PDGFRL: variants seen among roughly 807,000 people sequenced by gnomAD.
PDGFRL encodes the protein platelet-derived growth factor receptor-like protein.
PDGFRL carries 46 observed loss-of-function variants against 37.2 expected under a neutral mutation model. The observed-to-expected ratio is 1.24, with a 90% confidence interval of 0.98 to 1.58. The LOEUF (loss-of-function observed/expected upper bound fraction) is 1.58. PDGFRL is among the 40% of genes most tolerant of loss of function. The pLI, the probability that PDGFRL is intolerant of heterozygous loss-of-function variation, is 0.00. For synonymous variants in PDGFRL, 251 were observed against 184.3 expected, an observed-to-expected ratio of 1.36 and a Z score of -2.93; for missense variants, 692 against 467.6, an observed-to-expected ratio of 1.48 and a Z score of -4.43.
intron 3 of PDGFRL, among the ~76,000 whole-genome samples, chr8:17,625,446 G>C (rs1281830378): frequency 1.3e-5 from 1 of 76,834 alleles, no homozygotes; most frequent in Non-Finnish European, 2.9e-5. Context: ...CACTGCACCT[G>C]GTCGAGTTTT....
intron 5 of PDGFRL, among the ~76,000 whole-genome samples, chr8:17,641,876 T>C (rs1563534413): frequency 1.6e-5 from 2 of 122,914 alleles, no homozygotes; most frequent in African/African-American, 3.4e-5. Flanking sequence ...TTACAGGACA[T>C]TGATGATTTT....
At chr8:17,579,981 C>T (rs561805057) in intron 1 of PDGFRL, among the ~76,000 whole-genome samples, 1 of 152,240 alleles carries the variant, frequency 6.6e-6, no homozygotes, top group East Asian at 1.9e-4. Flanking sequence ...TAGGGTGCTT[C>T]TATTTTCACA....
intron 2 of PDGFRL, among the ~76,000 whole-genome samples, chr8:17,593,652 T>TG (rs1803990195): frequency 6.6e-6 from 1 of 151,400 alleles, no homozygotes. Flanking sequence ...CCCAGCACTT[T>TG]GGGAGGCTGA....
intron 1 of PDGFRL, among the ~76,000 whole-genome samples, chr8:17,577,609 C>G (rs996129329): frequency 6.6e-6 from 1 of 151,666 alleles, no homozygotes; most frequent in Non-Finnish European, 1.5e-5. Context: ...AGCGCCTGGT[C>G]CAGCCCCCAG....
At position 17,602,105 on chromosome 8, in the gene PDGFRL, C is replaced by G. The variant is rs188158360; in HGVS notation, c.353+12340C>G. ...GCAGTATGTAAACTTCCCCTTTCCT[C>G]CATGACCTTGACGGCATCTGTTATT... On this transcript the variant is annotated intron_variant, in intron 2 of 5. Transcript: ENST00000251630. 2.0e-3 allele frequency among the ~76,000 whole-genome samples: 302 copies of G among 152,318 alleles called. 1 individual carries two copies. Among genetic ancestry groups the G allele is most frequent in the African/African-American group, 6.9e-3 (287 of 41,560 alleles).
intron 2 of PDGFRL, among the ~76,000 whole-genome samples, chr8:17,595,678 C>T (rs542420493): frequency 6.6e-6 from 1 of 152,302 alleles, no homozygotes; most frequent in East Asian, 1.9e-4. Context: ...TACTACCCGC[C>T]CCTTTTTCAG....
At chr8:17,605,239 A>C (rs556857317) in intron 2 of PDGFRL, among the ~76,000 whole-genome samples, 3 of 152,208 alleles carry the variant, frequency 2.0e-5, no homozygotes, top group African/African-American at 7.2e-5. Flanking sequence ...CATTGCCTTC[A>C]GAAGAAAGAC....
At chr8:17,595,613 G>C (rs1487820932) in intron 2 of PDGFRL, among the ~76,000 whole-genome samples, 1 of 152,172 alleles carries the variant, frequency 6.6e-6, no homozygotes, top group East Asian at 1.9e-4. Flanking sequence ...TGAGCCCAGG[G>C]CTTGACCTCA....
At chr8:17,586,964 G>A (rs144284844) in intron 1 of PDGFRL, among the ~76,000 whole-genome samples, 57 of 152,272 alleles carry the variant, frequency 3.7e-4, no homozygotes, top group Non-Finnish European at 7.5e-4. Flanking sequence ...GGTAATGGAC[G>A]TTCACTTATA....
Position 17,628,665 on chromosome 8 carries a change from G to A in PDGFRL, c.684G>A (p.Lys228=). Residue 228 remains lysine, a synonymous_variant, in exon 4 of 6, where the codon AAG becomes AAA. Transcript: ENST00000251630. The part of the protein sequence containing the change: ...ANGTDIVYDM[K]RGFVYLQPHS... ...GAACGGACATTGTTTATGACATGAA[G>A]CGGGGCTTTGTGTATCTGCAACCTC... 6.2e-7 allele frequency: 1 copy of A among 1,614,192 alleles called. No homozygotes were observed. The highest frequency in any genetic ancestry group is 8.5e-7 in the Non-Finnish European group (1 of 1,180,002).
chr8:17,594,429 CAG>C (rs1804008509), intron 2 of PDGFRL, among the ~76,000 whole-genome samples: 1 of 151,900 alleles, frequency 6.6e-6, no homozygotes. Flanking sequence ...TCTATAGAGA[CAG>C]GGTTTCACTA....
At chr8:17,640,648 T>C (rs1328502079) in intron 5 of PDGFRL, among the ~76,000 whole-genome samples, 3 of 152,194 alleles carry the variant, frequency 2.0e-5, no homozygotes, top group African/African-American at 7.2e-5. Context: ...CAGCCATGGA[T>C]GCCAGCAGCT....
chr8:17,590,850 T>A (rs1320680054), intron 2 of PDGFRL, among the ~76,000 whole-genome samples: 5 of 152,016 alleles, frequency 3.3e-5, no homozygotes, highest in Non-Finnish European at 5.9e-5. Flanking sequence ...CAACTTCAAC[T>A]ACTTTTCAAC....
chr8:17,596,322 G>T, intron 2 of PDGFRL: 1 of 1,231,776 alleles, frequency 8.1e-7, no homozygotes, highest in Non-Finnish European at 1.0e-6. Flanking sequence ...CAGGCACATG[G>T]GCTGCACGTA....
chr8:17,633,936 C>T (rs1457713219), intron 4 of PDGFRL, 138 bp from the exon 5 acceptor site: 2 of 871,036 alleles, frequency 2.3e-6, no homozygotes, highest in East Asian at 4.8e-5. Context: ...TGTGGGCTCA[C>T]ACTGTCCTCG....
intron 2 of PDGFRL, among the ~76,000 whole-genome samples, chr8:17,612,367 C>T (rs1220108989): frequency 6.6e-6 from 1 of 151,740 alleles, no homozygotes; most frequent in Non-Finnish European, 1.5e-5. Flanking sequence ...CTTCTCCTCT[C>T]TTCTCCTCTC....
chr8:17,589,194 G>A lies in PDGFRL; in HGVS notation c.56-274G>A, dbSNP rs181693654. Among the ~76,000 whole-genome samples, 13 of 152,076 alleles carry A rather than the reference G, an allele frequency of 8.5e-5. No homozygotes were observed. The East Asian group carries it at 1.9e-3, about 23-fold the overall frequency. ...GGACTTCGAGACCAGCCTGACCAAC[G>A]TGCTGAGACCCTGTCTCCATGTCTC... On this transcript the variant is annotated intron_variant, in intron 1 of 5. Transcript: ENST00000251630.
intron 1 of PDGFRL, among the ~76,000 whole-genome samples, chr8:17,580,507 A>G (rs1321610477): frequency 1.2e-5 from 1 of 81,656 alleles, no homozygotes; most frequent in African/African-American, 5.5e-5. Flanking sequence ...TTTGAGGGCA[A>G]GAGAGAGAGA....
At chr8:17,639,066 C>CA (rs1245924078) in intron 5 of PDGFRL, among the ~76,000 whole-genome samples, 1 of 151,656 alleles carries the variant, frequency 6.6e-6, no homozygotes, top group Non-Finnish European at 1.5e-5. Flanking sequence ...ACAAAACAAA[C>CA]AAAAAGAATA....
Sources: gnomAD v4.1 joint callset for allele counts (sites outside exome capture counted in the v4.1 genomes callset) on GRCh38, gnomAD v4.1.1 for gene constraint, MANE v1.5 for transcripts, NCBI Gene and HGNC (gene_info 2026-07-23, HGNC 2026-07-21) for gene names.